PCDHGB1: variants seen among roughly 807,000 people sequenced by gnomAD.
PCDHGB1 encodes the protein protocadherin gamma subfamily B, 1, also known as protocadherin gamma-B1.
A neutral mutation model predicts 56.6 loss-of-function variants in PCDHGB1; 34 were observed. The observed-to-expected ratio is 0.60, with a 90% confidence interval of 0.46 to 0.80. The LOEUF (loss-of-function observed/expected upper bound fraction) is 0.80, where lower values mean the gene tolerates loss of function less well. PCDHGB1 is among the 30% of genes least tolerant of loss of function. The pLI, the probability that PCDHGB1 is intolerant of heterozygous loss-of-function variation, is 0.00. For missense variants in PCDHGB1, 1,278 were observed against 1,204.6 expected, an observed-to-expected ratio of 1.06 and a Z score of -0.90; for synonymous variants, 561 against 505.9, an observed-to-expected ratio of 1.11 and a Z score of -1.46.
At chr5:141,404,832 G>T in intron 1 of PCDHGB1, 1 of 1,613,864 alleles carries the variant, frequency 6.2e-7, no homozygotes, top group Non-Finnish European at 8.5e-7. Flanking sequence ...GGTGAAGTGC[G>T]CACAGCTCGG....
intron 1 of PCDHGB1, chr5:141,385,485 A>T: frequency 2.8e-6 from 4 of 1,418,146 alleles, no homozygotes; most frequent in Non-Finnish European, 3.7e-6. Flanking sequence ...AATATAGAAC[A>T]CATAGGATAT....
At position 141,493,223 on chromosome 5, in the gene PCDHGB1, A is replaced by G. The variant is rs2099747083; in HGVS notation, c.2410-1584A>G. Among the ~76,000 whole-genome samples, 1 of 152,142 alleles carries G rather than the reference A, an allele frequency of 6.6e-6. No homozygotes were observed. The highest frequency in any genetic ancestry group is 6.6e-5 in the Admixed American group (1 of 15,262). On this transcript the variant is annotated intron_variant, in intron 1 of 3. Transcript: ENST00000523390. The surrounding 1 kb of genome is among the most constrained non-coding windows in gnomAD (Gnocchi z 4.3). ...CCTCATCTCATTTGCTCTTCCCACC[A>G]TTGCTGTTGGCTAGGTACTAACATG...
chr5:141,355,331 T>A (rs1588509224), intron 1 of PCDHGB1: 2 of 1,613,978 alleles, frequency 1.2e-6, no homozygotes, highest in Non-Finnish European at 8.5e-7. Context: ...GAAGGCTCAG[T>A]GGTGGGCAAC....
intron 1 of PCDHGB1, among the ~76,000 whole-genome samples, chr5:141,368,919 AG>A (rs1297427818): frequency 1.3e-5 from 2 of 152,176 alleles, no homozygotes; most frequent in Non-Finnish European, 2.9e-5. Flanking sequence ...GGTGACAATG[AG>A]TGTCTGTCTA....
chr5:141,442,343 G>C (rs1300318674), intron 1 of PCDHGB1: 1 of 152,336 alleles, frequency 6.6e-6, no homozygotes, highest in Non-Finnish European at 1.5e-5. Flanking sequence ...CAGGTTTCTG[G>C]GTAACTGTAG....
intron 1 of PCDHGB1, chr5:141,355,552 CG>C: frequency 1.2e-6 from 2 of 1,613,938 alleles, no homozygotes; most frequent in South Asian, 2.2e-5. Flanking sequence ...GAAGATTTTG[CG>C]GGTAGAGGTG....
chr5:141,385,276 A>T (rs1315773619), intron 1 of PCDHGB1: 3 of 1,613,446 alleles, frequency 1.9e-6, no homozygotes, highest in Non-Finnish European at 2.5e-6. Context: ...TTCTTTGCTA[A>T]CATCCGTAGA....
intron 1 of PCDHGB1, chr5:141,418,347 G>C: frequency 6.2e-7 from 1 of 1,614,024 alleles, no homozygotes; most frequent in Non-Finnish European, 8.5e-7. Context: ...CCTGATATTA[G>C]TATGAATTCG....
chr5:141,406,307 T>C (rs2094791462), intron 1 of PCDHGB1, among the ~76,000 whole-genome samples: 1 of 152,088 alleles, frequency 6.6e-6, no homozygotes, highest in African/African-American at 2.4e-5. Flanking sequence ...GTGAACCACC[T>C]CACCCAGCAA....
At chr5:141,481,607 C>A (rs2099540195) in intron 1 of PCDHGB1, among the ~76,000 whole-genome samples, 1 of 152,158 alleles carries the variant, frequency 6.6e-6, no homozygotes, top group Admixed American at 6.5e-5. Flanking sequence ...CACCTGAGGC[C>A]AGGAGTTCAA....
intron 2 of PCDHGB1, among the ~76,000 whole-genome samples, chr5:141,503,598 CAA>C (rs765754054): frequency 2.7e-4 from 18 of 65,718 alleles, no homozygotes; most frequent in Admixed American, 6.9e-4. Flanking sequence ...GACTCCAGCT[CAA>C]AAAAAAAAAA....
intron 1 of PCDHGB1, among the ~76,000 whole-genome samples, chr5:141,458,236 C>T (rs6874378): frequency 0.18 from 27,546 of 152,106 alleles, 2,658 homozygotes; most frequent in Admixed American, 0.28. Flanking sequence ...AGTCCATGCA[C>T]CAAAATGATA....
chr5:141,385,518 A>G, intron 1 of PCDHGB1: 20 of 1,366,294 alleles, frequency 1.5e-5, no homozygotes, highest in East Asian at 5.4e-5. Context: ...GTGAAAGCCT[A>G]TGGACAAGAT....
Position 141,351,783 on chromosome 5 carries a change from G to T in PCDHGB1, c.1523G>T (p.Gly508Val), listed in dbSNP as rs1758821393. ...LSYVSVSPQSGVVFAQRAFDH... is the reference protein window; with the variant it reads ...LSYVSVSPQSVVVFAQRAFDH... The stretch of plus-strand genomic sequence containing the variant: ...TACGTGTCCGTGAGCCCGCAGAGCG[G>T]GGTGGTGTTCGCGCAGCGCGCCTTC... Residue 508 changes from glycine to valine, a missense_variant, in exon 1 of 4, where the codon GGG becomes GTG. Gly to Val is a moderately radical substitution (Grantham distance 109, BLOSUM62 -3). Transcript: ENST00000523390. 1.2e-6 allele frequency: 2 copies of T among 1,613,334 alleles called. No individual in the cohort carries two copies. The highest frequency in any genetic ancestry group is 1.7e-5 in the Admixed American group (1 of 60,012).
intron 1 of PCDHGB1, chr5:141,370,212 C>T (rs1028005275): frequency 4.8e-5 from 27 of 562,604 alleles, no homozygotes; most frequent in Middle Eastern, 4.6e-4. Context: ...ATATTGGCTC[C>T]TCCCGCTGCA....
intron 1 of PCDHGB1, chr5:141,427,749 A>G (rs770208196): frequency 4.6e-6 from 6 of 1,299,142 alleles, no homozygotes; most frequent in South Asian, 2.4e-5. Context: ...CTCCTACTCC[A>G]TCGTTACCAC....
chr5:141,488,210 A>G (rs2099673009), intron 1 of PCDHGB1, among the ~76,000 whole-genome samples: 1 of 152,192 alleles, frequency 6.6e-6, no homozygotes, highest in Admixed American at 6.5e-5. Context: ...ACTCATATCA[A>G]GTCCCTACTG....
At chr5:141,421,508 A>G (rs780491148) in intron 1 of PCDHGB1, 1 of 1,614,046 alleles carries the variant, frequency 6.2e-7, no homozygotes, top group Non-Finnish European at 8.5e-7. Flanking sequence ...ATAGACCGGG[A>G]GGAGCTCTGT....
intron 1 of PCDHGB1, chr5:141,423,607 A>T (rs777606404): frequency 6.2e-7 from 1 of 1,612,176 alleles, no homozygotes; most frequent in Admixed American, 1.7e-5. Flanking sequence ...GCCACTCTTG[A>T]TAGCTGAAGA....
Sources: gnomAD v4.1 joint callset for allele counts (sites outside exome capture counted in the v4.1 genomes callset) on GRCh38, gnomAD v4.1.1 for gene constraint, Gnocchi (gnomAD v3.1) non-coding constraint, MANE v1.5 for transcripts, NCBI Gene and HGNC (gene_info 2026-07-23, HGNC 2026-07-21) for gene names.